Variants in RAB3C observed in about 807,000 individuals in gnomAD.
The protein encoded by RAB3C is RAB3C, member RAS oncogene family.
A neutral mutation model predicts 26.4 loss-of-function variants in RAB3C; 17 were observed. That is an observed-to-expected ratio of 0.64 (90% CI 0.44 to 0.97). The LOEUF (loss-of-function observed/expected upper bound fraction) is 0.97, where lower values mean the gene tolerates loss of function less well. Among genes scored for constraint, RAB3C ranks in the 50% least tolerant of loss-of-function variants. RAB3C has a pLI of 0.00. For missense variants in RAB3C, 242 were observed against 281.9 expected, an observed-to-expected ratio of 0.86 and a Z score of 1.01; for synonymous variants, 91 against 95.9, an observed-to-expected ratio of 0.95 and a Z score of 0.30.
At chr5:58,670,683 C>G (rs753220) in intron 2 of RAB3C, among the ~76,000 whole-genome samples, 25,848 of 152,078 alleles carry the variant, frequency 0.17, 2,266 homozygotes, top group African/African-American at 0.2. Context: ...TTTGTTTAGA[C>G]TGTCCGCCCG....
At chr5:58,615,634 C>A (rs1746807374) in intron 1 of RAB3C, among the ~76,000 whole-genome samples, 1 of 151,928 alleles carries the variant, frequency 6.6e-6, no homozygotes, top group African/African-American at 2.4e-5. Flanking sequence ...GGCTGGTGGG[C>A]CAAAAAAGAA....
intron 3 of RAB3C, chr5:58,822,757 AC>A (rs1743372461): frequency 1.9e-6 from 1 of 537,702 alleles, no homozygotes; most frequent in African/African-American, 1.9e-5. Flanking sequence ...TACATGAACT[AC>A]CAAAATAAGG....
chr5:58,694,128 C>T (rs1579862138), intron 2 of RAB3C, among the ~76,000 whole-genome samples: 1 of 152,210 alleles, frequency 6.6e-6, no homozygotes, highest in African/African-American at 2.4e-5. Context: ...TGTTCCCTGC[C>T]CTGTGTCCAA....
At chr5:58,795,827 T>C (rs1017787187) in intron 3 of RAB3C, among the ~76,000 whole-genome samples, 4 of 144,210 alleles carry the variant, frequency 2.8e-5, no homozygotes, top group African/African-American at 5.2e-5. Flanking sequence ...GCATAAGATA[T>C]AGAGAAAGAG....
At chr5:58,711,143 G>T (rs1214476213) in intron 2 of RAB3C, among the ~76,000 whole-genome samples, 1 of 152,206 alleles carries the variant, frequency 6.6e-6, no homozygotes, top group Non-Finnish European at 1.5e-5. Flanking sequence ...AAGGAGGCAT[G>T]GAGAGCGAAA....
chr5:58,858,824 C>T lies in RAB3C; in HGVS notation c.*7473C>T, dbSNP rs1744321435. ...CAAGCTGTTGCATTATCATATTCCT[C>T]TGTGCTGAGCAGCTCAAGACTCAGC... On this transcript the variant is annotated 3_prime_UTR_variant, in exon 5 of 5. Transcript: ENST00000282878. 1 of 152,226 alleles carries T rather than the reference C, an allele frequency of 6.6e-6. No individual in the cohort carries two copies. Among genetic ancestry groups the T allele is most frequent in the Non-Finnish European group, 1.5e-5 (1 of 68,050 alleles). 9.4% of individuals were successfully genotyped at this position (152,226 alleles called of 1,614,324 possible).
chr5:58,782,769 A>G (rs548919594), intron 3 of RAB3C, among the ~76,000 whole-genome samples: 16 of 152,172 alleles, frequency 1.1e-4, no homozygotes, highest in Non-Finnish European at 2.1e-4. Context: ...CAGTAGGAAT[A>G]TTAGCTTTAT....
intron 2 of RAB3C, among the ~76,000 whole-genome samples, chr5:58,666,463 G>A (rs1235890841): frequency 2.0e-5 from 3 of 152,150 alleles, no homozygotes; most frequent in Non-Finnish European, 2.9e-5. Context: ...TCTCAAATTT[G>A]AGCATAAATG....
At chr5:58,724,086 A>G (rs16888476) in intron 2 of RAB3C, among the ~76,000 whole-genome samples, 3,522 of 151,916 alleles carry the variant, frequency 0.023, 138 homozygotes, top group African/African-American at 0.079. Flanking sequence ...GAACTGTTAT[A>G]TGCCATCTCT....
chr5:58,583,077 T>C lies in RAB3C; in HGVS notation c.-132T>C. 4 of 1,539,216 alleles carry C rather than the reference T, an allele frequency of 2.6e-6. No individual in the cohort carries two copies. Among genetic ancestry groups the C allele is most frequent in the Non-Finnish European group, 3.5e-6 (4 of 1,146,148 alleles). ...CGGCGCCAGGAGAGGACAGCTCCAG[T>C]GCTGATGTTGGAGCCGGTTAGCGAA... On this transcript the variant is annotated 5_prime_UTR_variant, in exon 1 of 5. Transcript: ENST00000282878.
intron 3 of RAB3C, chr5:58,816,966 T>C (rs1743231849): frequency 6.6e-6 from 1 of 152,190 alleles, no homozygotes; most frequent in East Asian, 1.9e-4. Context: ...TGGGACAAAC[T>C]GACAGAGCAA....
chr5:58,723,455 A>G (rs1013515688), intron 2 of RAB3C, among the ~76,000 whole-genome samples: 1 of 151,890 alleles, frequency 6.6e-6, no homozygotes, highest in African/African-American at 2.4e-5. Flanking sequence ...TTTATAGCCT[A>G]CATTCTTCCA....
At chr5:58,847,854 C>CTTTA (rs3060524) in intron 4 of RAB3C, among the ~76,000 whole-genome samples, 78,405 of 150,960 alleles carry the variant, frequency 0.52, 20,874 homozygotes, top group Middle Eastern at 0.68. Context: ...TTTCCAGAAC[C>CTTTA]TTTATTTATT....
At chr5:58,810,377 C>CTCTCGCTG (rs1743044849) in intron 3 of RAB3C, among the ~76,000 whole-genome samples, 1 of 148,582 alleles carries the variant, frequency 6.7e-6, no homozygotes. Context: ...CTCTCTCTCT[C>CTCTCGCTG]TCTCTCTCTG....
At chr5:58,703,080 A>G (rs1748880035) in intron 2 of RAB3C, among the ~76,000 whole-genome samples, 1 of 152,254 alleles carries the variant, frequency 6.6e-6, no homozygotes, top group African/African-American at 2.4e-5. Flanking sequence ...GTTTAATAAA[A>G]TAAGTAAGGA....
At chr5:58,634,804 G>A (rs292981) in intron 2 of RAB3C, among the ~76,000 whole-genome samples, 113,091 of 152,026 alleles carry the variant, frequency 0.74, 42,356 homozygotes, top group East Asian at 0.83. Context: ...ACCTGGGTCT[G>A]TGGCAGTTCC....
intron 2 of RAB3C, among the ~76,000 whole-genome samples, chr5:58,695,281 A>G (rs563110144): frequency 1.1e-4 from 17 of 152,256 alleles, no homozygotes; most frequent in African/African-American, 4.1e-4. Flanking sequence ...CCATTGGGCT[A>G]TATCTCTGTT....
chr5:58,717,386 T>C (rs960717564), intron 2 of RAB3C, among the ~76,000 whole-genome samples: 4 of 152,080 alleles, frequency 2.6e-5, no homozygotes, highest in Non-Finnish European at 5.9e-5. Context: ...GTACGTAACC[T>C]GATGTGCAAT....
At chr5:58,777,593 TG>T (rs1370170911) in intron 3 of RAB3C, among the ~76,000 whole-genome samples, 24 of 149,562 alleles carry the variant, frequency 1.6e-4, no homozygotes, top group South Asian at 1.5e-3. Flanking sequence ...GGAAAGACCA[TG>T]TTTTTTTTTT....
Sources: allele counts gnomAD v4.1 joint callset (sites outside exome capture counted in the v4.1 genomes callset), GRCh38; gene constraint gnomAD v4.1.1; transcripts MANE v1.5; gene names NCBI Gene and HGNC (gene_info 2026-07-23, HGNC 2026-07-21).